Variants in TDRP observed in about 807,000 individuals in gnomAD.
TDRP encodes the protein testis development related protein, also known as testis development-related protein.
TDRP carries 12 observed loss-of-function variants against 10.5 expected under a neutral mutation model. That is an observed-to-expected ratio of 1.15 (90% CI 0.73 to 1.86). TDRP has a LOEUF of 1.86. Ranked by LOEUF, TDRP falls within the 40% of genes most tolerant of loss-of-function variation. The pLI, the probability that TDRP is intolerant of heterozygous loss-of-function variation, is 0.00. For missense variants in TDRP, 353 were observed against 229.2 expected (o/e 1.54, Z -3.49); for synonymous variants, 139 against 95.4 (o/e 1.46, Z -2.67).
In TDRP at chr8:521,365, C is replaced by T. The variant is rs576300959; in HGVS notation, c.108+23285G>A. 2.1e-4 allele frequency among the ~76,000 whole-genome samples: 32 copies of T among 151,782 alleles called. No homozygotes were observed. In the South Asian group the frequency reaches 5.0e-3, roughly 24 times the overall value. ...CCGGGAGGCGGGGCTTACAGTGAGC[C>T]GAGCTCACACCACTGCACTCCAGCC... On this transcript the variant is annotated intron_variant, in intron 1 of 2. Transcript: ENST00000324079.
At chr8:544,337 G>T (rs1250076635) in intron 1 of TDRP, among the ~76,000 whole-genome samples, 2 of 151,990 alleles carry the variant, frequency 1.3e-5, no homozygotes, top group Non-Finnish European at 2.9e-5. Context: ...ACTGCGCCCC[G>T]AGTAACACGT....
intron 1 of TDRP, among the ~76,000 whole-genome samples, chr8:496,600 C>T (rs533124257): frequency 6.6e-6 from 1 of 152,342 alleles, no homozygotes; most frequent in African/African-American, 2.4e-5. Context: ...CCCAACACCA[C>T]AAGCCTGTGC....
intron 1 of TDRP, among the ~76,000 whole-genome samples, chr8:518,762 T>C (rs1801820946): frequency 2.0e-5 from 3 of 150,952 alleles, no homozygotes; most frequent in South Asian, 4.2e-4. Context: ...ATTCCACCAT[T>C]TTTTTTTTAG....
intron 1 of TDRP, among the ~76,000 whole-genome samples, chr8:518,803 T>C (rs1292568098): frequency 6.6e-6 from 1 of 152,158 alleles, no homozygotes; most frequent in Non-Finnish European, 1.5e-5. Context: ...AATATCTTAA[T>C]AGAAAGTCTA....
chr8:493,832 T>C (rs1801050990), intron 2 of TDRP, among the ~76,000 whole-genome samples: 1 of 152,158 alleles, frequency 6.6e-6, no homozygotes, highest in Admixed American at 6.5e-5. Context: ...AAATCTTAAG[T>C]GAGGCTACAG....
At position 532,840 on chromosome 8, in the gene TDRP, CG is replaced by C. The variant is rs1471258747; in HGVS notation, c.108+11809del. On this transcript the variant is annotated intron_variant, in intron 1 of 2. Coordinates refer to ENST00000324079, the MANE Select transcript of TDRP (RefSeq NM_001384899.1). ...AAGTCACTATACTGGAACCCAGCCA[CG>C]ATCGTTCATTTACAAGTTGCCTACG... Among the ~76,000 whole-genome samples, 7 of 124,178 alleles carry C rather than the reference CG, an allele frequency of 5.6e-5. No individual in the cohort carries two copies. In the South Asian group the frequency reaches 1.0e-3, roughly 18 times the overall value. 81.5% of individuals were successfully genotyped at this position (124,178 alleles called of 152,430 possible).
chr8:524,081 G>A (rs1393202841), intron 1 of TDRP, among the ~76,000 whole-genome samples: 2 of 152,200 alleles, frequency 1.3e-5, no homozygotes, highest in Non-Finnish European at 2.9e-5. Flanking sequence ...CCCTCTCCCA[G>A]TTCCCAGCAG....
chr8:531,644 A>T (rs759319541), intron 1 of TDRP, among the ~76,000 whole-genome samples: 4 of 152,204 alleles, frequency 2.6e-5, no homozygotes, highest in Non-Finnish European at 4.4e-5. Context: ...CTTTTCTCTA[A>T]AATTTCTTGG....
At chr8:509,942 C>G (rs976541076) in intron 1 of TDRP, among the ~76,000 whole-genome samples, 2 of 152,156 alleles carry the variant, frequency 1.3e-5, no homozygotes, top group Non-Finnish European at 2.9e-5. Context: ...TTGGGGCAAA[C>G]CTGAGAAGTG....
intron 1 of TDRP, among the ~76,000 whole-genome samples, chr8:511,186 T>C (rs541728441): frequency 4.1e-4 from 62 of 152,246 alleles, no homozygotes; most frequent in African/African-American, 1.2e-3. Context: ...AGGCAAATAC[T>C]GTCACACTGG....
chr8:512,305 C>T (rs1191394041), intron 1 of TDRP, among the ~76,000 whole-genome samples: 1 of 151,680 alleles, frequency 6.6e-6, no homozygotes, highest in Non-Finnish European at 1.5e-5. Context: ...TGGTGGCACA[C>T]ACCTGTAGTG....
At chr8:508,907 G>A (rs898424734) in intron 1 of TDRP, among the ~76,000 whole-genome samples, 2 of 152,194 alleles carry the variant, frequency 1.3e-5, no homozygotes, top group African/African-American at 4.8e-5. Flanking sequence ...TGGAGATACA[G>A]ACATTGGGTA....
chr8:501,643 G>A lies in TDRP; in HGVS notation c.109-7046C>T, dbSNP rs184820331. Among the ~76,000 whole-genome samples, 184 of 152,274 alleles carry A rather than the reference G, an allele frequency of 1.2e-3. 1 individual carries two copies. The highest frequency in any genetic ancestry group is 2.1e-3 in the Non-Finnish European group (142 of 68,028). On this transcript the variant is annotated intron_variant, in intron 1 of 2. Transcript: ENST00000324079. ...ATTACAGGCGTGAGACACCGCGCCCGGACCTTTCCTGCTATACGTTTTAAA... is the reference window on the plus strand; with the variant it reads ...ATTACAGGCGTGAGACACCGCGCCCAGACCTTTCCTGCTATACGTTTTAAA...
intron 2 of TDRP, among the ~76,000 whole-genome samples, chr8:493,044 T>A (rs1801024647): frequency 6.6e-6 from 1 of 152,200 alleles, no homozygotes; most frequent in Admixed American, 6.5e-5. Flanking sequence ...AGGAAGGTGG[T>A]ACTCAAGATT....
chr8:510,100 C>T (rs1210614653), intron 1 of TDRP, among the ~76,000 whole-genome samples: 5 of 152,108 alleles, frequency 3.3e-5, no homozygotes, highest in South Asian at 2.1e-4. Context: ...TCACCCAGCC[C>T]GCCAGTGTGT....
chr8:504,433 G>A (rs73527937), intron 1 of TDRP, among the ~76,000 whole-genome samples: 4,200 of 152,216 alleles, frequency 0.028, 174 homozygotes, highest in African/African-American at 0.097. Flanking sequence ...GGCAGGGGAA[G>A]GGCCTAGAGC....
chr8:504,478 T>A (rs1801400580), intron 1 of TDRP, among the ~76,000 whole-genome samples: 1 of 152,050 alleles, frequency 6.6e-6, no homozygotes, highest in Non-Finnish European at 1.5e-5. Context: ...ACTCACCAAG[T>A]GAAACGAGAA....
chr8:526,542 C>G (rs146557698), intron 1 of TDRP, among the ~76,000 whole-genome samples: 21 of 152,232 alleles, frequency 1.4e-4, no homozygotes, highest in African/African-American at 4.8e-4. Flanking sequence ...CTGAACCATC[C>G]TCACATCCCT....
chr8:518,849 T>C (rs1196561865), intron 1 of TDRP, among the ~76,000 whole-genome samples: 1 of 152,140 alleles, frequency 6.6e-6, no homozygotes, highest in African/African-American at 2.4e-5. Context: ...ACAAATCAAA[T>C]ACTGGAGTAT....
Sources: gnomAD v4.1 joint callset for allele counts (sites outside exome capture counted in the v4.1 genomes callset) on GRCh38, gnomAD v4.1.1 for gene constraint, MANE v1.5 for transcripts, NCBI Gene and HGNC (gene_info 2026-07-23, HGNC 2026-07-21) for gene names.